The following ULK4 variants were observed in gnomAD, a reference collection of about 807,000 sequenced individuals.
The protein encoded by ULK4 is inactive serine/threonine-protein kinase ULK4.
ULK4 carries 133 observed loss-of-function variants against 160.6 expected under a neutral mutation model. The observed-to-expected ratio is 0.83, with a 90% CI of 0.72 to 0.96. ULK4 has a LOEUF of 0.96. Ranked by LOEUF, ULK4 falls within the 40% of genes least tolerant of loss-of-function variation. ULK4 has a pLI of 0.00. For missense variants in ULK4, 1,580 were observed against 1,499.5 expected (o/e 1.05, Z -0.89); for synonymous variants, 534 against 539.8 (o/e 0.99, Z 0.15).
At chr3:41,322,819 A>C (rs777173765) in intron 35 of ULK4, among the ~76,000 whole-genome samples, 1 of 152,240 alleles carries the variant, frequency 6.6e-6, no homozygotes, top group Non-Finnish European at 1.5e-5. Flanking sequence ...ACAGGATGAC[A>C]TTTCAAAAAT....
chr3:41,411,867 G>A (rs1310121175), intron 34 of ULK4, among the ~76,000 whole-genome samples: 1 of 152,034 alleles, frequency 6.6e-6, no homozygotes, highest in Non-Finnish European at 1.5e-5. Context: ...GTAGGAGACT[G>A]AATGCTTTCC....
intron 35 of ULK4, among the ~76,000 whole-genome samples, chr3:41,292,902 C>T (rs770268453): frequency 2.6e-5 from 4 of 151,700 alleles, no homozygotes; most frequent in South Asian, 2.1e-4. Context: ...CAAGATTGCA[C>T]GACTGTACTC....
chr3:41,631,939 T>A (rs1049785559), intron 30 of ULK4, among the ~76,000 whole-genome samples: 3 of 152,184 alleles, frequency 2.0e-5, no homozygotes, highest in Admixed American at 1.3e-4. Context: ...GGCCTCTCAC[T>A]CCCACATTCT....
intron 35 of ULK4, among the ~76,000 whole-genome samples, chr3:41,358,099 A>G (rs1266957954): frequency 1.3e-5 from 2 of 152,204 alleles, no homozygotes; most frequent in African/African-American, 2.4e-5. Context: ...GTTCACCATT[A>G]CACCACACTG....
At chr3:41,496,128 T>TA (rs1483798199) in intron 32 of ULK4, among the ~76,000 whole-genome samples, 1 of 152,012 alleles carries the variant, frequency 6.6e-6, no homozygotes, top group Non-Finnish European at 1.5e-5. Flanking sequence ...CACCTATTTG[T>TA]AAAAAATACT....
At chr3:41,817,246 T>C (rs2040998877) in intron 19 of ULK4, among the ~76,000 whole-genome samples, 1 of 152,148 alleles carries the variant, frequency 6.6e-6, no homozygotes, top group African/African-American at 2.4e-5. Context: ...TTACATAGAG[T>C]TCAGCATTAA....
chr3:41,853,267 G>T (rs2042258992), intron 17 of ULK4, among the ~76,000 whole-genome samples: 1 of 152,104 alleles, frequency 6.6e-6, no homozygotes, highest in African/African-American at 2.4e-5. Context: ...TGGTCTAGGA[G>T]CACACTTTGA....
At chr3:41,554,877 C>A (rs2087228541) in intron 32 of ULK4, among the ~76,000 whole-genome samples, 1 of 151,946 alleles carries the variant, frequency 6.6e-6, no homozygotes, top group Non-Finnish European at 1.5e-5. Flanking sequence ...AAACAAAAAA[C>A]CCTTTTCACC....
At chr3:41,453,175 TTTG>T (rs948458122) in intron 34 of ULK4, among the ~76,000 whole-genome samples, 6 of 152,190 alleles carry the variant, frequency 3.9e-5, no homozygotes, top group African/African-American at 1.4e-4. Context: ...TTTTTTGTTT[TTTG>T]TTTTTTTGAG....
chr3:41,729,613 G>C (rs541018357), intron 22 of ULK4, among the ~76,000 whole-genome samples: 2 of 152,290 alleles, frequency 1.3e-5, no homozygotes, highest in South Asian at 4.1e-4. Context: ...GATTCATCAA[G>C]TTCCATTCCC....
rs534954641 is a variant in ULK4 at position 41,809,696 on chromosome 3, T to A, written c.1849-9403A>T. Among the ~76,000 whole-genome samples, 792 of 152,296 alleles carry A rather than the reference T, an allele frequency of 5.2e-3. 8 individuals are homozygous for A. The highest frequency in any genetic ancestry group is 8.3e-3 in the Non-Finnish European group (565 of 68,022). ...GTTTCTGTTGGCCTACTTATCTCTGTGCCACACTATCTAAATTAATAACCT... is the reference window on the plus strand; with the variant it reads ...GTTTCTGTTGGCCTACTTATCTCTGAGCCACACTATCTAAATTAATAACCT... On this transcript the variant is annotated intron_variant, in intron 19 of 36. Transcript: ENST00000301831.
In ULK4 at chr3:41,935,817, T is replaced by C. The variant is rs1156886648; in HGVS notation, c.362A>G (p.Asp121Gly). The C allele has an allele frequency of 1.1e-5, 18 of 1,610,944 alleles. No individual in the cohort carries two copies. The highest frequency in any genetic ancestry group is 1.4e-5 in the Non-Finnish European group (16 of 1,179,032). Residue 121 changes from aspartate to glycine, a missense_variant, in exon 4 of 37, where the codon GAC (aspartate) becomes GGC (glycine). Coordinates refer to ENST00000301831, the MANE Select transcript of ULK4 (RefSeq NM_017886.4). Reference protein sequence around the residue: ...HLHKLGILFCDISPRKILLEG... With the variant: ...HLHKLGILFCGISPRKILLEG... ...ATGAATTACCTTCCTAGGAGAAATG[T>C]CACAAAAGAGAATGCCAAGTTTATG...
chr3:41,891,793 T>C (rs1376948204), intron 16 of ULK4, among the ~76,000 whole-genome samples: 2 of 152,084 alleles, frequency 1.3e-5, no homozygotes, highest in East Asian at 1.9e-4. Context: ...TAATCCCAGC[T>C]ACTCGGGAGG....
chr3:41,764,742 G>A (rs1383150240), intron 21 of ULK4, among the ~76,000 whole-genome samples: 2 of 152,196 alleles, frequency 1.3e-5, no homozygotes, highest in Non-Finnish European at 2.9e-5. Flanking sequence ...TTTCTTAAAG[G>A]AATAACTGCT....
intron 34 of ULK4, among the ~76,000 whole-genome samples, chr3:41,448,246 G>C (rs1412621328): frequency 6.6e-6 from 1 of 152,114 alleles, no homozygotes; most frequent in Admixed American, 6.5e-5. Flanking sequence ...GATGCTATGG[G>C]AGCCGGGGTC....
At chr3:41,656,010 A>G (rs1160451046) in intron 30 of ULK4, among the ~76,000 whole-genome samples, 1 of 152,204 alleles carries the variant, frequency 6.6e-6, no homozygotes, top group African/African-American at 2.4e-5. Context: ...ACCGCTTTCC[A>G]AAGTCAATTC....
chr3:41,866,116 C>A (rs762692911), intron 17 of ULK4, among the ~76,000 whole-genome samples: 1 of 152,116 alleles, frequency 6.6e-6, no homozygotes, highest in African/African-American at 2.4e-5. Flanking sequence ...AACTCAGTAA[C>A]AAAACAACTT....
intron 35 of ULK4, among the ~76,000 whole-genome samples, chr3:41,363,401 GA>G (rs1228101369): frequency 6.6e-6 from 1 of 152,164 alleles, no homozygotes; most frequent in Non-Finnish European, 1.5e-5. Context: ...CTGGTTTGGC[GA>G]ATCAGGAAAA....
At chr3:41,797,963 A>C (rs73073342) in intron 20 of ULK4, among the ~76,000 whole-genome samples, 18,803 of 152,080 alleles carry the variant, frequency 0.12, 1,338 homozygotes, top group Middle Eastern at 0.27. Context: ...AAGAGAAAAG[A>C]AAATACAACC....
Sources: allele counts gnomAD v4.1 joint callset (sites outside exome capture counted in the v4.1 genomes callset), GRCh38; gene constraint gnomAD v4.1.1; transcripts MANE v1.5; gene names NCBI Gene and HGNC (gene_info 2026-07-23, HGNC 2026-07-21).